The following HS6ST3 variants were observed in gnomAD, a reference collection of about 807,000 sequenced individuals.
HS6ST3 encodes heparan-sulfate 6-O-sulfotransferase 3.
In HS6ST3, 12 loss-of-function variants were observed where a neutral mutation model predicts 36.7. That is an observed-to-expected ratio of 0.33 (90% CI 0.21 to 0.53). HS6ST3 has a LOEUF of 0.53. HS6ST3 is among the 20% of genes least tolerant of loss of function. HS6ST3 has a pLI of 0.95. For missense variants in HS6ST3, 584 were observed against 640.9 expected, an observed-to-expected ratio of 0.91 and a Z score of 0.96; for synonymous variants, 240 against 257.5, an observed-to-expected ratio of 0.93 and a Z score of 0.65.
intron 1 of HS6ST3, among the ~76,000 whole-genome samples, chr13:96,548,890 A>G (rs1193405986): frequency 1.3e-5 from 2 of 152,230 alleles, no homozygotes; most frequent in Admixed American, 1.3e-4. Context: ...AATCTCATTC[A>G]AAAACACTCT....
At chr13:96,523,519 G>A (rs1015620088) in intron 1 of HS6ST3, among the ~76,000 whole-genome samples, 67 of 151,848 alleles carry the variant, frequency 4.4e-4, no homozygotes, top group African/African-American at 1.3e-3. Flanking sequence ...ACATAGATTT[G>A]GTCTTTTCAC....
intron 1 of HS6ST3, among the ~76,000 whole-genome samples, chr13:96,425,613 C>CTG (rs147773346): frequency 8.6e-5 from 13 of 151,244 alleles, no homozygotes; most frequent in South Asian, 2.1e-4. Context: ...TGTAAACCTT[C>CTG]TGTGTGTGTG....
At chr13:96,128,608 G>A (rs2053962317) in intron 1 of HS6ST3, among the ~76,000 whole-genome samples, 1 of 152,042 alleles carries the variant, frequency 6.6e-6, no homozygotes, top group African/African-American at 2.4e-5. Context: ...GGAGATTTGG[G>A]GCTCATGCGG....
chr13:96,288,105 A>G (rs1273837070), intron 1 of HS6ST3, among the ~76,000 whole-genome samples: 2 of 152,178 alleles, frequency 1.3e-5, no homozygotes, highest in Non-Finnish European at 2.9e-5. Context: ...TCAGAAACTT[A>G]GAAGGTGAGG....
chr13:96,790,563 C>T (rs1877762408), intron 1 of HS6ST3, among the ~76,000 whole-genome samples: 1 of 151,982 alleles, frequency 6.6e-6, no homozygotes, highest in Non-Finnish European at 1.5e-5. Flanking sequence ...GATTCAGAGT[C>T]AACCAATATT....
intron 1 of HS6ST3, among the ~76,000 whole-genome samples, chr13:96,293,418 G>T (rs1044932987): frequency 6.6e-6 from 1 of 152,050 alleles, no homozygotes; most frequent in African/African-American, 2.4e-5. Flanking sequence ...TTTCAATACA[G>T]TCGTCTTAGA....
Position 96,833,244 on chromosome 13 carries a change from A to G in HS6ST3, c.*46A>G, listed in dbSNP as rs765531028. 4.2e-6 allele frequency: 6 copies of G among 1,421,086 alleles called. No individual in the cohort carries two copies. Among genetic ancestry groups the G allele is most frequent in the African/African-American group, 2.9e-5 (2 of 69,760 alleles). The allele number at this position is 1,421,086 out of a possible 1,614,324, so 88.0% of individuals were successfully genotyped here. A position where few individuals can be genotyped will look rare whatever the true frequency, so the allele number is the denominator to read the frequency against. ...CAGGAGGGGGAGGGTGAGCAGGCAC[A>G]TTGACTTTCTGTTGAGGTACCTTGG... On this transcript the variant is annotated 3_prime_UTR_variant, in exon 2 of 2. Transcript: ENST00000376705.
intron 1 of HS6ST3, among the ~76,000 whole-genome samples, chr13:96,420,264 C>T (rs543862781): frequency 2.6e-5 from 4 of 152,000 alleles, no homozygotes; most frequent in African/African-American, 4.8e-5. Flanking sequence ...GAGGGGATTA[C>T]GGTACATCTT....
At chr13:96,200,543 C>T (rs1186091596) in intron 1 of HS6ST3, among the ~76,000 whole-genome samples, 2 of 152,172 alleles carry the variant, frequency 1.3e-5, no homozygotes, top group Non-Finnish European at 2.9e-5. Context: ...GCCATCTTTC[C>T]TCTTCTCTCC....
chr13:96,402,365 A>G (rs2055456263), intron 1 of HS6ST3, among the ~76,000 whole-genome samples: 1 of 152,232 alleles, frequency 6.6e-6, no homozygotes, highest in African/African-American at 2.4e-5. Context: ...AATGAATACT[A>G]TATAAGTTTT....
intron 1 of HS6ST3, among the ~76,000 whole-genome samples, chr13:96,418,082 G>T (rs1365745302): frequency 6.6e-6 from 1 of 152,070 alleles, no homozygotes; most frequent in Non-Finnish European, 1.5e-5. Context: ...CAGCCTTCTT[G>T]TGCTTAGGAC....
At chr13:96,744,490 C>A (rs1876516797) in intron 1 of HS6ST3, among the ~76,000 whole-genome samples, 1 of 152,024 alleles carries the variant, frequency 6.6e-6, no homozygotes. Context: ...AACGAACAGG[C>A]TTTCCATTTG....
intron 1 of HS6ST3, among the ~76,000 whole-genome samples, chr13:96,635,423 C>T (rs1436899109): frequency 6.6e-6 from 1 of 152,028 alleles, no homozygotes; most frequent in African/African-American, 2.4e-5. Flanking sequence ...TTATGCTGCT[C>T]CTCCTGCCTG....
chr13:96,288,125 C>A (rs1392316576), intron 1 of HS6ST3, among the ~76,000 whole-genome samples: 2 of 151,924 alleles, frequency 1.3e-5, no homozygotes, highest in African/African-American at 2.4e-5. Flanking sequence ...GCCTGGAAAT[C>A]TGTTGTAATA....
At chr13:96,464,116 T>C (rs1594785746) in intron 1 of HS6ST3, among the ~76,000 whole-genome samples, 2 of 79,724 alleles carry the variant, frequency 2.5e-5, no homozygotes, top group African/African-American at 9.0e-5. Context: ...AGTTACCTCC[T>C]CAGGAAAGGA....
chr13:96,156,176 G>T (rs545420994), intron 1 of HS6ST3, among the ~76,000 whole-genome samples: 2 of 152,276 alleles, frequency 1.3e-5, no homozygotes, highest in East Asian at 1.9e-4. Flanking sequence ...GGAAGATAGG[G>T]TCATTATCCC....
chr13:96,666,933 T>G (rs1433730440), intron 1 of HS6ST3, among the ~76,000 whole-genome samples: 1 of 152,166 alleles, frequency 6.6e-6, no homozygotes, highest in Non-Finnish European at 1.5e-5. Flanking sequence ...TCATCCATGA[T>G]GAACTATGCC....
intron 1 of HS6ST3, among the ~76,000 whole-genome samples, chr13:96,628,181 T>G (rs1272385832): frequency 2.6e-5 from 4 of 151,994 alleles, no homozygotes; most frequent in Non-Finnish European, 5.9e-5. Context: ...ATTCACTAAC[T>G]TAATCCCACA....
chr13:96,652,213 A>T (rs1463996638), intron 1 of HS6ST3, among the ~76,000 whole-genome samples: 2 of 152,072 alleles, frequency 1.3e-5, no homozygotes, highest in Non-Finnish European at 2.9e-5. Flanking sequence ...ACCATTATAT[A>T]TAATTTCTGT....
Sources: allele counts gnomAD v4.1 joint callset (sites outside exome capture counted in the v4.1 genomes callset), GRCh38; gene constraint gnomAD v4.1.1; transcripts MANE v1.5; gene names NCBI Gene and HGNC (gene_info 2026-07-23, HGNC 2026-07-21).